The following RNH1 variants were observed in gnomAD, a reference collection of about 807,000 sequenced individuals.
The protein encoded by RNH1 is ribonuclease inhibitor.
Under a neutral mutation model 46.1 loss-of-function variants are expected in RNH1, and 38 were observed. That is an observed-to-expected ratio of 0.82 (90% CI 0.64 to 1.08). The LOEUF (loss-of-function observed/expected upper bound fraction) is 1.08. RNH1 is among the 50% of genes least tolerant of loss of function. RNH1 has a pLI of 0.00. For missense variants in RNH1, 577 were observed against 590.7 expected (o/e 0.98, Z 0.24); for synonymous variants, 319 against 279.1 (o/e 1.14, Z -1.43).
rs1850342892 is a variant in RNH1, at chr11:507,174, T to C, written c.-322A>G. ...CCCAGAGCGAGACGGCCTACTTCGTTCTCGAGCCAGCAGAACGGGTTGAAC... is the reference window on the plus strand; with the variant it reads ...CCCAGAGCGAGACGGCCTACTTCGTCCTCGAGCCAGCAGAACGGGTTGAAC... On this transcript the variant is annotated 5_prime_UTR_variant, in exon 1 of 11. Transcript: ENST00000354420. The C allele has an allele frequency of 6.6e-6, 1 of 152,166 alleles. No homozygotes were observed. The highest frequency in any genetic ancestry group is 2.1e-4 in the South Asian group (1 of 4,834). The allele number at this position is 152,166 out of a possible 1,614,324, so 9.4% of individuals were successfully genotyped here. A position where few individuals can be genotyped will look rare whatever the true frequency, so the allele number is the denominator to read the frequency against.
chr11:497,672 C>T (rs1707144953), intron 9 of RNH1, among the ~76,000 whole-genome samples: 2 of 148,536 alleles, frequency 1.3e-5, no homozygotes, highest in Non-Finnish European at 3.0e-5. Flanking sequence ...CTCACACACA[C>T]GTGCTCACCC....
At chr11:499,331 C>A in intron 5 of RNH1, 146 bp from the exon 6 acceptor site, 1 of 848,364 alleles carries the variant, frequency 1.2e-6, no homozygotes. Flanking sequence ...CCCCCACAGA[C>A]TCATCCAGAG....
At chr11:494,811 G>A (rs767887125) in intron 10 of RNH1, 33 bp from the exon 11 acceptor site, 55 of 1,612,320 alleles carry the variant, frequency 3.4e-5, no homozygotes, top group East Asian at 8.9e-5. Flanking sequence ...GCATGGGCCC[G>A]TGTCCTCCCC....
intron 9 of RNH1, among the ~76,000 whole-genome samples, chr11:495,478 G>A (rs1327990280): frequency 1.3e-5 from 2 of 152,166 alleles, no homozygotes; most frequent in African/African-American, 4.8e-5. Flanking sequence ...CAGACTTTAG[G>A]CTCCAGAGAG....
At chr11:506,968 C>G (rs898544267) in intron 1 of RNH1, 145 bp downstream of exon 1, 3 of 152,212 alleles carry the variant, frequency 2.0e-5, no homozygotes, top group Non-Finnish European at 2.9e-5. Context: ...CCTGCCCCGC[C>G]CGACCCCGCC....
At position 502,346 on chromosome 11, in the gene RNH1, T is replaced by C; in HGVS notation, c.-87-97A>G. The C allele has an allele frequency of 3.2e-6, 2 of 624,086 alleles. No homozygotes were observed. Among genetic ancestry groups the C allele is most frequent in the Non-Finnish European group, 2.9e-6 (1 of 345,626 alleles). 38.7% of individuals were successfully genotyped at this position (624,086 alleles called of 1,614,324 possible). On this transcript the variant is annotated intron_variant, in intron 2 of 10. Coordinates refer to ENST00000354420, the MANE Select transcript of RNH1 (RefSeq NM_203387.3). This position sits in a 1 kb window ranked among gnomAD's most constrained non-coding sequence, Gnocchi z 5.8. ...TCAGCACCCTCCCCACCTTTGTCTC[T>C]GGAGCAGACATCAGGGGTGGGGCAG...
chr11:497,050 G>T (rs1849145867), intron 9 of RNH1, among the ~76,000 whole-genome samples: 1 of 151,986 alleles, frequency 6.6e-6, no homozygotes, highest in African/African-American at 2.4e-5. Context: ...CCTCACTCTC[G>T]CCCATGTGCT....
Position 494,558 on chromosome 11 carries a change from C to G in RNH1, c.*133G>C, listed in dbSNP as rs757999003. On this transcript the variant is annotated 3_prime_UTR_variant, in exon 11 of 11. Coordinates refer to ENST00000354420, the MANE Select transcript of RNH1 (RefSeq NM_203387.3). ...ATGATTATAAAGTGTCCAAAATATA[C>G]TGGCAGAAATAAGCGGATCTGAGCG... 5.1e-5 allele frequency: 40 copies of G among 789,208 alleles called. No homozygotes were observed. Among genetic ancestry groups the G allele is most frequent in the Non-Finnish European group, 7.5e-5 (35 of 468,822 alleles). 48.9% of individuals were successfully genotyped at this position (789,208 alleles called of 1,614,324 possible). A position where few individuals can be genotyped will look rare whatever the true frequency, so the allele number is the denominator to read the frequency against.
At chr11:500,077 G>GAGCCCA (rs1849603397) in intron 4 of RNH1, 78 bp from the exon 5 acceptor site, 1 of 1,428,296 alleles carries the variant, frequency 7.0e-7, no homozygotes, top group African/African-American at 1.4e-5. Flanking sequence ...CCCAGAGCCC[G>GAGCCCA]GAGCAGCACT....
chr11:503,113 T>C (rs1043119940), intron 2 of RNH1: 3 of 128,096 alleles, frequency 2.3e-5, no homozygotes, highest in African/African-American at 6.0e-5. Flanking sequence ...GAGAGGAGGC[T>C]TGGATGGCCA....
rs1849727512 is a variant in RNH1, at chr11:501,264, C to G, written c.102-610G>C. 5.3e-6 allele frequency: 1 copy of G among 190,158 alleles called. No homozygotes were observed. The highest frequency in any genetic ancestry group is 2.4e-5 in the African/African-American group (1 of 42,350). 11.8% of individuals were successfully genotyped at this position (190,158 alleles called of 1,614,324 possible). A position where few individuals can be genotyped will look rare whatever the true frequency, so the allele number is the denominator to read the frequency against. On this transcript the variant is annotated intron_variant, in intron 3 of 10. Transcript: ENST00000354420. This position sits in a 1 kb window ranked among gnomAD's most constrained non-coding sequence, Gnocchi z 4.1. ...AGGCCCCACGGCATCTCCCTGCATT[C>G]CTGCCAAAACTGTAGGACTTCAACC... is the stretch of plus-strand genomic sequence containing the variant.
chr11:495,260 C>G (rs1050864077), intron 9 of RNH1, among the ~76,000 whole-genome samples: 1 of 152,234 alleles, frequency 6.6e-6, no homozygotes, highest in Non-Finnish European at 1.5e-5. Flanking sequence ...AAGCGAGGCA[C>G]AAGCAGCCTC....
At chr11:499,728 G>A in intron 5 of RNH1, 101 bp downstream of exon 5, 1 of 1,443,098 alleles carries the variant, frequency 6.9e-7, no homozygotes, top group Admixed American at 1.8e-5. Flanking sequence ...TGTGACCTGA[G>A]TCCCCTCCTC....
At position 498,490 on chromosome 11, in the gene RNH1, A is replaced by G; in HGVS notation, c.923T>C (p.Leu308Pro). 6.2e-7 allele frequency: 1 copy of G among 1,613,290 alleles called. No homozygotes were observed. The highest frequency in any genetic ancestry group is 1.7e-5 in the Admixed American group (1 of 60,026). The change falls in exon 8 of 11, where the codon CTG (leucine) becomes CCG (proline). Residue 308 changes from leucine (L) to proline (P), a missense_variant. Transcript: ENST00000354420. ...DEGARLLCET[L>P]LEPGCQLESL... The stretch of plus-strand genomic sequence containing the variant: ...CTCCAGCTGGCAGCCAGGTTCCAGC[A>G]GGGTCTCACACAGCAGTCGGGCACC...
chr11:500,078 G>A, intron 4 of RNH1, 79 bp from the exon 5 acceptor site: 1 of 1,429,564 alleles, frequency 7.0e-7, no homozygotes, highest in Non-Finnish European at 9.2e-7. Flanking sequence ...CCAGAGCCCG[G>A]AGCAGCACTC....
Position 499,165 on chromosome 11 carries a change from G to T in RNH1, c.464C>A (p.Ser155Ter), listed in dbSNP as rs145455574. The T allele has an allele frequency of 1.2e-6, 2 of 1,612,736 alleles. No homozygotes were observed. The highest frequency in any genetic ancestry group is 1.7e-5 in the Admixed American group (1 of 60,028). The change falls in exon 6 of 11, where the codon TCG becomes TAG. Residue 155 changes from serine (S) to a stop codon, truncating the protein, a stop_gained. Transcript: ENST00000354420. LOFTEE classifies it high-confidence loss of function. Reference protein sequence around the residue: ...EKLQLEYCSLSAASCEPLASV... With the variant: ...EKLQLEYCSL ...GGCCAGGGGCTCGCAGCTGGCAGCC[G>T]AGAGGCTGCAATACTCCAGCCTGGG...
Position 499,938 on chromosome 11 carries a change from G to A in RNH1, c.334C>T (p.Leu112=). The A allele has an allele frequency of 6.2e-7, 1 of 1,611,582 alleles. No homozygotes were observed. The highest frequency in any genetic ancestry group is 2.2e-5 in the East Asian group (1 of 44,818). Residue 112 remains leucine, a synonymous_variant, in exon 5 of 11, where the codon CTG becomes TTG. Coordinates refer to ENST00000354420, the MANE Select transcript of RNH1 (RefSeq NM_203387.3). ...CGVLSSTLRT[L]PTLQELHLSD... is the part of the protein sequence containing the mutation. ...AGGTGCAGCTCCTGCAGGGTGGGCA[G>A]GGTGCGTAGTGTGCTGGACAGGACC...
chr11:496,451 C>A (rs1849064988), intron 9 of RNH1, among the ~76,000 whole-genome samples: 1 of 152,170 alleles, frequency 6.6e-6, no homozygotes, highest in Admixed American at 6.5e-5. Context: ...AGGCGGATCA[C>A]GAGGTCAGGA....
chr11:497,608 C>T (rs1849267671), intron 9 of RNH1, among the ~76,000 whole-genome samples: 1 of 149,752 alleles, frequency 6.7e-6, no homozygotes, highest in Admixed American at 6.6e-5. Context: ...CACACTGACC[C>T]TCGTGCTCAC....
Sources: allele counts gnomAD v4.1 joint callset (sites outside exome capture counted in the v4.1 genomes callset), GRCh38; gene constraint gnomAD v4.1.1; non-coding constraint Gnocchi (gnomAD v3.1); transcripts MANE v1.5; gene names NCBI Gene and HGNC (gene_info 2026-07-23, HGNC 2026-07-21).